Variants in AKAP6 observed in about 807,000 individuals in gnomAD.
AKAP6 encodes the protein A-kinase anchoring protein 6.
AKAP6 carries 58 observed loss-of-function variants against 188.5 expected under a neutral mutation model. The observed-to-expected ratio is 0.31, with a 90% CI of 0.25 to 0.38. AKAP6 has a LOEUF of 0.38. Among genes scored for constraint, AKAP6 ranks in the 10% least tolerant of loss-of-function variants. The pLI, the probability that AKAP6 is intolerant of heterozygous loss-of-function variation, is 1.00. For synonymous variants in AKAP6, 989 were observed against 998.6 expected (o/e 0.99, Z 0.18); for missense variants, 2,710 against 2,740.0 (o/e 0.99, Z 0.24).
chr14:32,822,836 G>A lies in AKAP6; in HGVS notation c.5023G>A (p.Asp1675Asn), dbSNP rs764613644. The change falls in exon 13 of 14, where the codon GAC becomes AAC. Residue 1675 changes from aspartate (D) to asparagine (N), a missense_variant. By Grantham distance (23) the Asp-to-Asn change is conservative. Coordinates refer to ENST00000280979, the MANE Select transcript of AKAP6 (RefSeq NM_004274.5). ...GTCCTTTACTGGCCAGATGTCATTG[G>A]ACATAGCATCTTCTATCAATGAAGA... ...KMSFTGQMSL[D>N]IASSINEDSA... 2 of 1,613,934 alleles carry A rather than the reference G, an allele frequency of 1.2e-6. No individual in the cohort carries two copies. The highest frequency in any genetic ancestry group is 3.3e-5 in the Admixed American group (2 of 59,952).
intron 5 of AKAP6, among the ~76,000 whole-genome samples, chr14:32,583,362 A>G (rs1276711153): frequency 6.6e-6 from 1 of 152,130 alleles, no homozygotes; most frequent in African/African-American, 2.4e-5. Flanking sequence ...TTTGTCTCAG[A>G]GGAGTACCCG....
intron 4 of AKAP6, among the ~76,000 whole-genome samples, chr14:32,554,836 G>C (rs1456342545): frequency 1.3e-5 from 2 of 152,162 alleles, no homozygotes; most frequent in African/African-American, 4.8e-5. Context: ...TTGGGATATA[G>C]CGCATGGTCC....
intron 7 of AKAP6, among the ~76,000 whole-genome samples, chr14:32,615,317 G>A (rs534406297): frequency 6.6e-6 from 1 of 151,880 alleles, no homozygotes; most frequent in East Asian, 1.9e-4. Flanking sequence ...TGCCAAGGAT[G>A]GCAGAGGGGA....
chr14:32,522,400 C>A (rs1187983031), intron 2 of AKAP6, among the ~76,000 whole-genome samples: 1 of 152,090 alleles, frequency 6.6e-6, no homozygotes, highest in Non-Finnish European at 1.5e-5. Context: ...AGTGAACAGG[C>A]AACCTACAGA....
At chr14:32,686,607 AAAAT>A (rs1158508438) in intron 8 of AKAP6, among the ~76,000 whole-genome samples, 1 of 152,140 alleles carries the variant, frequency 6.6e-6, no homozygotes, top group East Asian at 1.9e-4. Context: ...TAAAAATTTT[AAAAT>A]AAATAAAAAA....
chr14:32,355,959 C>A (rs757805874), intron 1 of AKAP6, among the ~76,000 whole-genome samples: 1 of 151,538 alleles, frequency 6.6e-6, no homozygotes, highest in African/African-American at 2.4e-5. Context: ...ATATTTTTTT[C>A]GTAAAGACGG....
intron 5 of AKAP6, among the ~76,000 whole-genome samples, chr14:32,594,320 A>T (rs1885602246): frequency 1.3e-5 from 2 of 152,144 alleles, no homozygotes; most frequent in South Asian, 4.1e-4. Flanking sequence ...AAGTACTAAG[A>T]CTATTTACTT....
At chr14:32,430,795 A>T (rs1890193070) in intron 1 of AKAP6, among the ~76,000 whole-genome samples, 1 of 152,126 alleles carries the variant, frequency 6.6e-6, no homozygotes, top group African/African-American at 2.4e-5. Flanking sequence ...TGGGTCGATT[A>T]ATAATTTTTT....
chr14:32,440,989 C>T (rs757171695), intron 2 of AKAP6, among the ~76,000 whole-genome samples: 5 of 152,078 alleles, frequency 3.3e-5, no homozygotes, highest in Admixed American at 1.3e-4. Flanking sequence ...AAATTAGTGA[C>T]CTCATAAAGA....
At chr14:32,665,840 G>A (rs1277047920) in intron 7 of AKAP6, among the ~76,000 whole-genome samples, 1 of 152,148 alleles carries the variant, frequency 6.6e-6, no homozygotes, top group Non-Finnish European at 1.5e-5. Flanking sequence ...AGATGTTAAT[G>A]CCTGTGTATA....
intron 7 of AKAP6, among the ~76,000 whole-genome samples, chr14:32,663,955 A>G (rs7149316): frequency 0.056 from 8,477 of 152,156 alleles, 814 homozygotes; most frequent in African/African-American, 0.19. Flanking sequence ...GACAATATCA[A>G]TGTTATGGAA....
intron 5 of AKAP6, among the ~76,000 whole-genome samples, chr14:32,582,613 C>G (rs1017953940): frequency 6.6e-6 from 1 of 152,212 alleles, no homozygotes; most frequent in African/African-American, 2.4e-5. Flanking sequence ...CTCCCTGTCA[C>G]TTTCAGGTAC....
chr14:32,400,554 C>A (rs537238013), intron 1 of AKAP6, among the ~76,000 whole-genome samples: 68 of 2,510 alleles, frequency 0.027, no homozygotes, highest in Non-Finnish European at 0.21. Flanking sequence ...ATATTTAGTC[C>A]ACTTTTAGCA....
At chr14:32,665,540 A>G (rs1888893486) in intron 7 of AKAP6, among the ~76,000 whole-genome samples, 1 of 152,144 alleles carries the variant, frequency 6.6e-6, no homozygotes, top group African/African-American at 2.4e-5. Context: ...GTGTTCAGCT[A>G]TCTGGAAATT....
intron 2 of AKAP6, among the ~76,000 whole-genome samples, chr14:32,452,943 T>C (rs2138783491): frequency 6.6e-6 from 1 of 152,354 alleles, no homozygotes; most frequent in South Asian, 2.1e-4. Context: ...TCACGTATAG[T>C]ATTCATACTA....
At chr14:32,547,412 C>T (rs901955423) in intron 4 of AKAP6, among the ~76,000 whole-genome samples, 5 of 152,204 alleles carry the variant, frequency 3.3e-5, no homozygotes, top group Non-Finnish European at 5.9e-5. Flanking sequence ...CTCCAGAATA[C>T]ATTCCACATC....
chr14:32,532,863 A>G (rs916730805), intron 2 of AKAP6, among the ~76,000 whole-genome samples: 4 of 152,184 alleles, frequency 2.6e-5, no homozygotes, highest in African/African-American at 9.7e-5. Context: ...GGCATACCCC[A>G]TAGATGCTAG....
At chr14:32,551,571 C>CAA (rs1184190008) in intron 4 of AKAP6, among the ~76,000 whole-genome samples, 16 of 50,960 alleles carry the variant, frequency 3.1e-4, no homozygotes, top group Admixed American at 8.8e-4. Flanking sequence ...GACTTGGTCT[C>CAA]AAAAAAAAAA....
At chr14:32,352,095 G>GTGTATGTT (rs1555320167) in intron 1 of AKAP6, among the ~76,000 whole-genome samples, 2 of 114,726 alleles carry the variant, frequency 1.7e-5, no homozygotes, top group African/African-American at 3.7e-5. Flanking sequence ...GTGTGTGTGT[G>GTGTATGTT]TGTGTGTTTG....
Sources: allele counts gnomAD v4.1 joint callset (sites outside exome capture counted in the v4.1 genomes callset), GRCh38; gene constraint gnomAD v4.1.1; transcripts MANE v1.5; gene names NCBI Gene and HGNC (gene_info 2026-07-23, HGNC 2026-07-21).